FHOD3: variants seen among roughly 807,000 people sequenced by gnomAD.
FHOD3 encodes formin homology 2 domain containing 3.
A neutral mutation model predicts 173.0 loss-of-function variants in FHOD3; 90 were observed. The observed-to-expected ratio is 0.52, with a 90% CI of 0.44 to 0.62. The LOEUF is 0.62. Ranked by LOEUF, FHOD3 falls within the 20% of genes least tolerant of loss-of-function variation. The pLI, the probability that FHOD3 is intolerant of heterozygous loss-of-function variation, is 0.00. For missense variants in FHOD3, 1,945 were observed against 2,034.7 expected (o/e 0.96, Z 0.85); for synonymous variants, 828 against 823.0 (o/e 1.01, Z -0.10).
intron 3 of FHOD3, among the ~76,000 whole-genome samples, chr18:36,426,669 T>G (rs745840963): frequency 1.3e-5 from 2 of 152,196 alleles, no homozygotes; most frequent in African/African-American, 2.4e-5. Context: ...GGAACTAATG[T>G]TCATTCAATT....
In FHOD3 at chr18:36,587,496, A is replaced by G. The variant is rs138215826; in HGVS notation, c.607-7291A>G. Among the ~76,000 whole-genome samples the G allele has an allele frequency of 4.7e-4, 72 of 152,330 alleles. No individual in the cohort carries two copies. In the East Asian group the frequency reaches 9.1e-3, roughly 19 times the overall value. ...ATCTAAGCCCCAGAATTTTATCTCA[A>G]TAGAGAAAATGCCAGCCAGGCGCGG... On this transcript the variant is annotated intron_variant, in intron 6 of 28. Coordinates refer to ENST00000590592, the MANE Select transcript of FHOD3 (RefSeq NM_001281740.3).
At chr18:36,345,088 G>T (rs1216714649) in intron 1 of FHOD3, among the ~76,000 whole-genome samples, 2 of 152,184 alleles carry the variant, frequency 1.3e-5, no homozygotes, top group Admixed American at 6.5e-5. Context: ...GAGCAGTGAG[G>T]ATAGAGATTT....
intron 27 of FHOD3, among the ~76,000 whole-genome samples, chr18:36,766,681 A>G (rs2043152606): frequency 6.6e-6 from 1 of 152,220 alleles, no homozygotes; most frequent in Non-Finnish European, 1.5e-5. Flanking sequence ...AGTCATCATA[A>G]AACTGAGTTG....
Position 36,769,246 on chromosome 18 carries a change from C to G in FHOD3, c.4625-19C>G. On this transcript the variant is annotated intron_variant, in intron 27 of 28. Transcript: ENST00000590592. ...TTTCCTTCTGAGTATGTTGTGCACT[C>G]TGGCTGTTTAATTTTTAGGATCCAC... 1 of 1,613,340 alleles carries G rather than the reference C, an allele frequency of 6.2e-7. No homozygotes were observed. Among genetic ancestry groups the G allele is most frequent in the Non-Finnish European group, 8.5e-7 (1 of 1,179,576 alleles).
At chr18:36,463,868 A>C (rs1599233680) in intron 3 of FHOD3, among the ~76,000 whole-genome samples, 1 of 152,230 alleles carries the variant, frequency 6.6e-6, no homozygotes, top group East Asian at 1.9e-4. Flanking sequence ...AGGAGACACT[A>C]GAAGTTGGAG....
intron 3 of FHOD3, among the ~76,000 whole-genome samples, chr18:36,425,159 C>T (rs1310408734): frequency 1.3e-5 from 2 of 152,108 alleles, no homozygotes; most frequent in African/African-American, 2.4e-5. Context: ...TTCACATAAC[C>T]GTTATTACAG....
chr18:36,741,155 A>G (rs1344895006), intron 21 of FHOD3, among the ~76,000 whole-genome samples: 1 of 152,234 alleles, frequency 6.6e-6, no homozygotes, highest in African/African-American at 2.4e-5. Context: ...ACAGAAAAGC[A>G]CAATATAGAA....
intron 3 of FHOD3, among the ~76,000 whole-genome samples, chr18:36,469,082 G>T (rs1183425682): frequency 1.3e-5 from 2 of 152,100 alleles, no homozygotes; most frequent in African/African-American, 4.8e-5. Context: ...CCATACTTGG[G>T]GGTCTTTCCC....
At position 36,437,682 on chromosome 18, in the gene FHOD3, T is replaced by TTTTTTTTA. The variant is rs71168224; in HGVS notation, c.338-64250_338-64249insTTTTTTTA. On this transcript the variant is annotated intron_variant, in intron 3 of 28. Transcript: ENST00000590592. ...CTTTCTTTCTTTTTTTTTTTTTTTTTAAGACAGAGTCTTGCTCTGTCGCCA... is the reference window on the plus strand; with the variant it reads ...CTTTCTTTCTTTTTTTTTTTTTTTTTTTTTTTTAAAGACAGAGTCTTGCTCTGTCGCCA... 2.6e-4 allele frequency among the ~76,000 whole-genome samples: 34 copies of TTTTTTTTA among 129,638 alleles called. 5 individuals are homozygous for TTTTTTTTA. Among genetic ancestry groups the TTTTTTTTA allele is most frequent in the Non-Finnish European group, 3.5e-4 (21 of 60,616 alleles). The allele number at this position is 129,638 out of a possible 152,430, so 85.0% of individuals were successfully genotyped here. A position where few individuals can be genotyped will look rare whatever the true frequency, so the allele number is the denominator to read the frequency against.
At chr18:36,343,833 G>T (rs538577293) in intron 1 of FHOD3, among the ~76,000 whole-genome samples, 2 of 152,166 alleles carry the variant, frequency 1.3e-5, no homozygotes, top group Non-Finnish European at 2.9e-5. Flanking sequence ...AGACAACCAC[G>T]TATTGTATGA....
At chr18:36,333,751 A>C (rs975253468) in intron 1 of FHOD3, among the ~76,000 whole-genome samples, 1 of 152,136 alleles carries the variant, frequency 6.6e-6, no homozygotes, top group African/African-American at 2.4e-5. Context: ...ATTAATCCTG[A>C]AACTCTGGGG....
chr18:36,324,957 A>C (rs562586872), intron 1 of FHOD3, among the ~76,000 whole-genome samples: 249 of 152,376 alleles, frequency 1.6e-3, no homozygotes, highest in African/African-American at 5.8e-3. Flanking sequence ...TGATACTTAT[A>C]GAATATTCAT....
intron 9 of FHOD3, among the ~76,000 whole-genome samples, chr18:36,622,297 C>T (rs998818320): frequency 1.3e-5 from 2 of 152,086 alleles, no homozygotes; most frequent in African/African-American, 4.8e-5. Context: ...ATGTATCGTA[C>T]ACTTAGAATC....
At chr18:36,357,600 C>A (rs2046420533) in intron 2 of FHOD3, among the ~76,000 whole-genome samples, 1 of 152,178 alleles carries the variant, frequency 6.6e-6, no homozygotes, top group Non-Finnish European at 1.5e-5. Context: ...TTAAGTCACA[C>A]CAGATTCTAC....
intron 1 of FHOD3, among the ~76,000 whole-genome samples, chr18:36,353,871 A>G (rs1175999421): frequency 6.6e-6 from 1 of 152,188 alleles, no homozygotes; most frequent in Non-Finnish European, 1.5e-5. Context: ...TCTTCCATGC[A>G]GTGACTCAGG....
chr18:36,456,147 G>A (rs189142977), intron 3 of FHOD3, among the ~76,000 whole-genome samples: 6 of 152,114 alleles, frequency 3.9e-5, no homozygotes, highest in Non-Finnish European at 5.9e-5. Context: ...ACTGAACAGT[G>A]ACAGGTAAGC....
chr18:36,507,227 T>A (rs1182448953), intron 4 of FHOD3, among the ~76,000 whole-genome samples: 3 of 152,250 alleles, frequency 2.0e-5, no homozygotes, highest in East Asian at 3.8e-4. Context: ...CATGGGTGGC[T>A]AAGATAGTGA....
intron 20 of FHOD3, among the ~76,000 whole-genome samples, chr18:36,731,998 A>G (rs535318940): frequency 3.9e-5 from 6 of 152,242 alleles, no homozygotes; most frequent in Non-Finnish European, 8.8e-5. Flanking sequence ...ATGAGGTCAT[A>G]CTGGATTCAG....
chr18:36,370,628 A>G (rs2047134910), intron 2 of FHOD3, among the ~76,000 whole-genome samples: 1 of 152,204 alleles, frequency 6.6e-6, no homozygotes, highest in Non-Finnish European at 1.5e-5. Flanking sequence ...ACTTGGGGGC[A>G]TTCTGAAATG....
Sources: allele counts gnomAD v4.1 joint callset (sites outside exome capture counted in the v4.1 genomes callset), GRCh38; gene constraint gnomAD v4.1.1; transcripts MANE v1.5; gene names NCBI Gene and HGNC (gene_info 2026-07-23, HGNC 2026-07-21).